Variants in WASF2 observed in about 807,000 individuals in gnomAD.
WASF2 encodes the protein WASP family member 2, also known as actin-binding protein WASF2.
In WASF2, 14 loss-of-function variants were observed where a neutral mutation model predicts 45.0. The ratio of observed to expected loss-of-function variants is 0.31; its 90% confidence interval spans 0.21 to 0.49. WASF2 has a LOEUF of 0.49. Ranked by LOEUF, WASF2 falls within the 20% of genes least tolerant of loss-of-function variation. The probability of loss-of-function intolerance (pLI) is 0.99; values close to 1 mark genes in which losing one functional copy is unlikely to be tolerated. For synonymous variants in WASF2, 200 were observed against 236.3 expected (o/e 0.85, Z 1.41); for missense variants, 439 against 636.1 (o/e 0.69, Z 3.33).
In WASF2 at chr1:27,481,922, A is replaced by C. The variant is rs533332810; in HGVS notation, c.-44+8064T>G. ...TAGTCTGGAAATCATCATGAAAAGC[A>C]AATTTTTCTGAGATACTTCTATATC... On this transcript the variant is annotated intron_variant, in intron 1 of 8. Transcript: ENST00000618852. Among the ~76,000 whole-genome samples, 5 of 152,296 alleles carry C rather than the reference A, an allele frequency of 3.3e-5. No individual in the cohort carries two copies. The South Asian group carries it at 1.0e-3, about 32-fold the overall frequency.
At chr1:27,453,952 C>CTCCTT (rs1291928813) in intron 1 of WASF2, among the ~76,000 whole-genome samples, 7 of 151,878 alleles carry the variant, frequency 4.6e-5, no homozygotes, top group South Asian at 2.1e-4. Flanking sequence ...CCAAAGCCAT[C>CTCCTT]TCCTTTCCTT....
At chr1:27,454,173 ATATATATATATATATT>A (rs1274086995) in intron 1 of WASF2, among the ~76,000 whole-genome samples, 1,174 of 62,200 alleles carry the variant, frequency 0.019, 53 homozygotes, top group Admixed American at 0.13. Flanking sequence ...ATATATATAT[ATATATATATATATATT>A]TTTTTTTTTT....
intron 1 of WASF2, among the ~76,000 whole-genome samples, chr1:27,451,364 G>C (rs946765942): frequency 2.6e-5 from 4 of 152,190 alleles, no homozygotes; most frequent in African/African-American, 9.7e-5. Context: ...GAACTTCCAG[G>C]TGGAGGGAGT....
At chr1:27,450,687 CG>C (rs1231419630) in intron 1 of WASF2, among the ~76,000 whole-genome samples, 2 of 151,920 alleles carry the variant, frequency 1.3e-5, no homozygotes, top group East Asian at 3.9e-4. Flanking sequence ...TTAGTACAGA[CG>C]GGGTTTCTCC....
intron 1 of WASF2, among the ~76,000 whole-genome samples, chr1:27,431,216 T>C (rs2017058773): frequency 6.6e-6 from 1 of 152,190 alleles, no homozygotes; most frequent in African/African-American, 2.4e-5. Flanking sequence ...TTGTCTACTG[T>C]CTAAGGAAAT....
At chr1:27,458,334 A>G (rs1446607665) in intron 1 of WASF2, among the ~76,000 whole-genome samples, 1 of 124,420 alleles carries the variant, frequency 8.0e-6, no homozygotes, top group East Asian at 2.6e-4. Flanking sequence ...AAAAAAAAAA[A>G]GGCCTTGTTG....
At chr1:27,487,012 TATTA>T (rs2017937457) in intron 1 of WASF2, among the ~76,000 whole-genome samples, 1 of 147,516 alleles carries the variant, frequency 6.8e-6, no homozygotes, top group Non-Finnish European at 1.5e-5. Flanking sequence ...TACATTTATA[TATTA>T]TATATAAATT....
chr1:27,446,630 A>G (rs1471763104), intron 1 of WASF2, among the ~76,000 whole-genome samples: 1 of 151,910 alleles, frequency 6.6e-6, no homozygotes, highest in African/African-American at 2.4e-5. Context: ...AAAACACAAA[A>G]ATTAGCCAGG....
At chr1:27,486,866 G>A (rs886457856) in intron 1 of WASF2, among the ~76,000 whole-genome samples, 11 of 151,470 alleles carry the variant, frequency 7.3e-5, no homozygotes, top group African/African-American at 2.7e-4. Context: ...GGAGGTTGCA[G>A]TAAGCCGAGA....
intron 1 of WASF2, among the ~76,000 whole-genome samples, chr1:27,462,507 T>C (rs1463746851): frequency 6.6e-6 from 1 of 152,194 alleles, no homozygotes; most frequent in African/African-American, 2.4e-5. Context: ...GGTCTCTCTA[T>C]GTTGCCCAGG....
intron 2 of WASF2, among the ~76,000 whole-genome samples, chr1:27,428,243 G>A (rs529790172): frequency 1.3e-5 from 2 of 152,146 alleles, no homozygotes; most frequent in South Asian, 4.1e-4. Context: ...TGTGTACCAG[G>A]GTGGACAAGT....
intron 2 of WASF2, among the ~76,000 whole-genome samples, chr1:27,420,146 C>A (rs531725255): frequency 6.6e-6 from 1 of 152,244 alleles, no homozygotes; most frequent in East Asian, 1.9e-4. Flanking sequence ...CTCAAGTGAT[C>A]CGCCCACCTT....
chr1:27,458,415 A>G (rs1283661644), intron 1 of WASF2, among the ~76,000 whole-genome samples: 2 of 151,404 alleles, frequency 1.3e-5, no homozygotes, highest in African/African-American at 4.8e-5. Flanking sequence ...TATTATTTTA[A>G]TAGTTCATTT....
At chr1:27,444,043 T>C (rs1226058566) in intron 1 of WASF2, among the ~76,000 whole-genome samples, 1 of 152,116 alleles carries the variant, frequency 6.6e-6, no homozygotes. Flanking sequence ...CCTCTCAAAG[T>C]CCTGGGATTA....
chr1:27,480,180 A>T (rs2017826707), intron 1 of WASF2, among the ~76,000 whole-genome samples: 1 of 152,232 alleles, frequency 6.6e-6, no homozygotes, highest in African/African-American at 2.4e-5. Context: ...TACACAGTTA[A>T]ACAAAATTTC....
chr1:27,477,617 C>CTAGGATATTAGAAATGGGAGGCA (rs541024782), intron 1 of WASF2, among the ~76,000 whole-genome samples: 21,260 of 146,620 alleles, frequency 0.15, 2,701 homozygotes, highest in East Asian at 0.3. Flanking sequence ...ATAAATAAAT[C>CTAGGATATTAGAAATGGGAGGCA]GGCCGGGCGC....
At position 27,405,721 on chromosome 1, in the gene WASF2, C is replaced by G; in HGVS notation, c.*2468G>C. 6.6e-6 allele frequency: 1 copy of G among 150,472 alleles called. No homozygotes were observed. Among genetic ancestry groups the G allele is most frequent in the South Asian group, 2.1e-4 (1 of 4,778 alleles). The allele number at this position is 150,472 out of a possible 1,614,324, so 9.3% of individuals were successfully genotyped here. ...TGAGGAGGCTTCGCAAGGCCGGCTG[C>G]TACAAAGTGCCGAGCTTGGCTGCAT... On this transcript the variant is annotated 3_prime_UTR_variant, in exon 9 of 9. Coordinates refer to ENST00000618852, the MANE Select transcript of WASF2 (RefSeq NM_006990.5).
intron 1 of WASF2, among the ~76,000 whole-genome samples, chr1:27,458,308 T>TAAC (rs2017500593): frequency 3.4e-5 from 1 of 29,406 alleles, no homozygotes; most frequent in African/African-American, 1.1e-4. Context: ...GCGAGATTCT[T>TAAC]AAAAAAAAAA....
chr1:27,449,195 G>C (rs753696018), intron 1 of WASF2, among the ~76,000 whole-genome samples: 1 of 152,110 alleles, frequency 6.6e-6, no homozygotes, highest in African/African-American at 2.4e-5. Flanking sequence ...TAAAATGAGC[G>C]GTTTTTTCAC....
Sources: allele counts gnomAD v4.1 joint callset (sites outside exome capture counted in the v4.1 genomes callset), GRCh38; gene constraint gnomAD v4.1.1; transcripts MANE v1.5; gene names NCBI Gene and HGNC (gene_info 2026-07-23, HGNC 2026-07-21).